PRPF38A: variants seen among roughly 807,000 people sequenced by gnomAD.
The protein encoded by PRPF38A is pre-mRNA-splicing factor 38A.
PRPF38A carries 11 observed loss-of-function variants against 46.8 expected under a neutral mutation model. The ratio of observed to expected loss-of-function variants is 0.24; its 90% CI spans 0.15 to 0.39. PRPF38A has a LOEUF of 0.39. Ranked by LOEUF, PRPF38A falls within the 10% of genes least tolerant of loss-of-function variation. PRPF38A has a pLI of 1.00. For missense variants in PRPF38A, 261 were observed against 407.5 expected, an observed-to-expected ratio of 0.64 and a Z score of 3.10; for synonymous variants, 124 against 136.2, an observed-to-expected ratio of 0.91 and a Z score of 0.62.
intron 2 of PRPF38A, among the ~76,000 whole-genome samples, chr1:52,408,074 TAAATAA>T (rs957439561): frequency 1.3e-5 from 2 of 148,524 alleles, no homozygotes; most frequent in Non-Finnish European, 3.0e-5. Context: ...AATAAATACA[TAAATAA>T]AAATACAAAA....
At chr1:52,408,388 T>G (rs746099434) in intron 2 of PRPF38A, 181 bp from the exon 3 acceptor site, 34 of 763,750 alleles carry the variant, frequency 4.5e-5, no homozygotes, top group Non-Finnish European at 7.1e-5. Flanking sequence ...GCATGGGAAC[T>G]TGAACTCAGG....
Position 52,404,844 on chromosome 1 carries a change from C to T in PRPF38A, c.95C>T (p.Ser32Phe). ...ATCATTCGAACGCGAATCTATGAGT[C>T]CAAGTACTGGAAAGAGGAGTGCTTT... ...EKIIRTRIYESKYWKEECFGL... is the reference protein window; with the variant it reads ...EKIIRTRIYEFKYWKEECFGL... The change falls in exon 1 of 10, where the codon TCC becomes TTC. Residue 32 changes from serine (S) to phenylalanine (F), a missense_variant. Around this residue, in one of 2 missense-constraint regions of PRPF38A, gnomAD observed 81 missense variants for 186.5 expected, o/e 0.43. Coordinates refer to ENST00000257181, the MANE Select transcript of PRPF38A (RefSeq NM_032864.4). 6.2e-7 allele frequency: 1 copy of T among 1,614,232 alleles called. No homozygotes were observed. The highest frequency in any genetic ancestry group is 8.5e-7 in the Non-Finnish European group (1 of 1,180,026).
intron 2 of PRPF38A, among the ~76,000 whole-genome samples, chr1:52,406,488 G>A (rs917369998): frequency 2.0e-5 from 3 of 152,216 alleles, no homozygotes; most frequent in Admixed American, 6.5e-5. Flanking sequence ...AGAGGTGTAA[G>A]ATCTGGGTTC....
chr1:52,419,929 C>G lies in PRPF38A; in HGVS notation c.*3239C>G, dbSNP rs2147962139. The G allele has an allele frequency of 6.6e-6, 1 of 152,270 alleles. No individual in the cohort carries two copies. The highest frequency in any genetic ancestry group is 2.1e-4 in the South Asian group (1 of 4,806). 9.4% of individuals were successfully genotyped at this position (152,270 alleles called of 1,614,324 possible). A position where few individuals can be genotyped will look rare whatever the true frequency, so the allele number is the denominator to read the frequency against. ...CTGGGTGTGCTGGCGGGTAGAGCTA[C>G]TAGGGAGGCTGAGGCAGGAGAATGG... is the stretch of plus-strand genomic sequence containing the variant. On this transcript the variant is annotated 3_prime_UTR_variant, in exon 10 of 10. Coordinates refer to ENST00000257181, the MANE Select transcript of PRPF38A (RefSeq NM_032864.4).
chr1:52,408,042 C>G (rs1393612586), intron 2 of PRPF38A, among the ~76,000 whole-genome samples: 6 of 152,098 alleles, frequency 3.9e-5, no homozygotes, highest in Non-Finnish European at 8.8e-5. Context: ...GGCAACAGAG[C>G]AAGATTCTGT....
chr1:52,408,373 T>G (rs1648057988), intron 2 of PRPF38A, 196 bp from the exon 3 acceptor site: 1 of 711,146 alleles, frequency 1.4e-6, no homozygotes, highest in African/African-American at 1.7e-5. Flanking sequence ...CAGCCATAAA[T>G]GGTAGCATGG....
In PRPF38A at chr1:52,418,568, ATG is replaced by A. The variant is rs1215687681; in HGVS notation, c.*1881_*1882del. On this transcript the variant is annotated 3_prime_UTR_variant, in exon 10 of 10. Coordinates refer to ENST00000257181, the MANE Select transcript of PRPF38A (RefSeq NM_032864.4). The stretch of plus-strand genomic sequence containing the variant: ...CATACTTGTTTAGACATATGGTAAT[ATG>A]TGGACCAAAATTGAGGTACCACAGC... 1.3e-5 allele frequency: 2 copies of A among 152,268 alleles called. No homozygotes were observed. Among genetic ancestry groups the A allele is most frequent in the Admixed American group, 6.5e-5 (1 of 15,290 alleles). The allele number at this position is 152,268 out of a possible 1,614,324, so 9.4% of individuals were successfully genotyped here. A position where few individuals can be genotyped will look rare whatever the true frequency, so the allele number is the denominator to read the frequency against.
At position 52,404,851 on chromosome 1, in the gene PRPF38A, C is replaced by T. The variant is rs1647925885; in HGVS notation, c.102C>T (p.Tyr34=). Residue 34 remains tyrosine (Y), a synonymous_variant, in exon 1 of 10, where the codon TAC becomes TAT. Transcript: ENST00000257181. The part of the protein sequence containing the change: ...IIRTRIYESK[Y]WKEECFGLTA... Reference sequence around the variant, plus strand: ...GAACGCGAATCTATGAGTCCAAGTACTGGAAAGAGGAGTGCTTTGGACTTA... The same window carrying T: ...GAACGCGAATCTATGAGTCCAAGTATTGGAAAGAGGAGTGCTTTGGACTTA... The T allele has an allele frequency of 1.9e-6, 3 of 1,614,120 alleles. No individual in the cohort carries two copies. Among genetic ancestry groups the T allele is most frequent in the South Asian group, 1.1e-5 (1 of 91,092 alleles).
intron 4 of PRPF38A, 119 bp from the exon 5 acceptor site, chr1:52,412,395 C>G (rs1359138577): frequency 1.6e-6 from 1 of 627,548 alleles, no homozygotes; most frequent in Non-Finnish European, 2.8e-6. Context: ...AAATCTTGAA[C>G]TGTCTTTGAA....
Position 52,404,678 on chromosome 1 carries a change from T to G in PRPF38A, c.-72T>G. 1 of 1,531,038 alleles carries G rather than the reference T, an allele frequency of 6.5e-7. No homozygotes were observed. Among genetic ancestry groups the G allele is most frequent in the Non-Finnish European group, 8.9e-7 (1 of 1,127,268 alleles). 94.8% of individuals were successfully genotyped at this position (1,531,038 alleles called of 1,614,324 possible). ...CTTCTTCCACCTTTCTCCATTCCTC[T>G]AGGTGCTTTTTCTGAACCTGGATGT... On this transcript the variant is annotated 5_prime_UTR_variant, in exon 1 of 10. Transcript: ENST00000257181.
At chr1:52,404,958 C>T (rs1198156511) in intron 1 of PRPF38A, 79 bp downstream of exon 1, 1 of 1,540,748 alleles carries the variant, frequency 6.5e-7, no homozygotes, top group Admixed American at 1.9e-5. Flanking sequence ...GGACTAGCGA[C>T]TGGCCTCTGG....
At chr1:52,414,695 G>T in intron 7 of PRPF38A, 48 bp downstream of exon 7, 8 of 1,613,242 alleles carry the variant, frequency 5.0e-6, no homozygotes, top group Non-Finnish European at 6.8e-6. Context: ...TGGGGAGGGG[G>T]TGGTGGTATT....
chr1:52,416,867 A>T lies in PRPF38A; in HGVS notation c.*177A>T. The T allele has an allele frequency of 1.6e-6, 1 of 614,712 alleles. No individual in the cohort carries two copies. Among genetic ancestry groups the T allele is most frequent in the Non-Finnish European group, 2.9e-6 (1 of 339,190 alleles). The allele number at this position is 614,712 out of a possible 1,614,324, so 38.1% of individuals were successfully genotyped here. A position where few individuals can be genotyped will look rare whatever the true frequency, so the allele number is the denominator to read the frequency against. ...CTGAGTTTTGTATCTTTTTAATCAT[A>T]ATCAACATCAGTTTTTGACCCAACT... On this transcript the variant is annotated 3_prime_UTR_variant, in exon 10 of 10. Coordinates refer to ENST00000257181, the MANE Select transcript of PRPF38A (RefSeq NM_032864.4).
At chr1:52,406,011 CAG>C (rs1301045720) in intron 2 of PRPF38A, among the ~76,000 whole-genome samples, 172 bp downstream of exon 2, 1 of 152,142 alleles carries the variant, frequency 6.6e-6, no homozygotes, top group African/African-American at 2.4e-5. Flanking sequence ...GTTTTGGAAA[CAG>C]AGTCTCTCTG....
At chr1:52,415,317 C>T in intron 8 of PRPF38A, 21 bp from the exon 9 acceptor site, 1 of 1,612,010 alleles carries the variant, frequency 6.2e-7, no homozygotes, top group Non-Finnish European at 8.5e-7. Flanking sequence ...GGATCTTATG[C>T]AATGGCCTTT....
intron 3 of PRPF38A, among the ~76,000 whole-genome samples, chr1:52,410,392 G>A (rs1349485439): frequency 2.0e-5 from 3 of 149,438 alleles, no homozygotes. Context: ...ATAATCTTAC[G>A]CAAATTACTT....
At chr1:52,412,306 AT>A (rs1228182739) in intron 4 of PRPF38A, among the ~76,000 whole-genome samples, 1 of 152,208 alleles carries the variant, frequency 6.6e-6, no homozygotes, top group African/African-American at 2.4e-5. Context: ...TCAATAGAAA[AT>A]GAAGATGTTC....
chr1:52,416,988 C>G lies in PRPF38A; in HGVS notation c.*298C>G, dbSNP rs1016885555. On this transcript the variant is annotated 3_prime_UTR_variant, in exon 10 of 10. Coordinates refer to ENST00000257181, the MANE Select transcript of PRPF38A (RefSeq NM_032864.4). ...GGCTGTGGCCACCTGATGACCCTTT[C>G]CCTTTTTATTAAACCGGACACACCT... is the stretch of plus-strand genomic sequence containing the variant. 2 of 350,394 alleles carry G rather than the reference C, an allele frequency of 5.7e-6. No individual in the cohort carries two copies. Among genetic ancestry groups the G allele is most frequent in the Admixed American group, 7.8e-5 (2 of 25,622 alleles). 21.7% of individuals were successfully genotyped at this position (350,394 alleles called of 1,614,324 possible).
chr1:52,410,095 AATAT>A (rs892732220), intron 3 of PRPF38A, among the ~76,000 whole-genome samples: 2 of 148,538 alleles, frequency 1.3e-5, no homozygotes, highest in African/African-American at 4.9e-5. Flanking sequence ...TTTACATACA[AATAT>A]ATAAATATAC....
Sources: gnomAD v4.1 joint callset for allele counts (sites outside exome capture counted in the v4.1 genomes callset) on GRCh38, gnomAD v4.1.1 for gene constraint, gnomAD v4.1.1 regional missense constraint, MANE v1.5 for transcripts, NCBI Gene and HGNC (gene_info 2026-07-23, HGNC 2026-07-21) for gene names.